OLA1: variants seen among roughly 807,000 people sequenced by gnomAD.
The protein encoded by OLA1 is Obg like ATPase 1, also known as obg-like ATPase 1.
Under a neutral mutation model 48.4 loss-of-function variants are expected in OLA1, and 14 were observed. That is an observed-to-expected ratio of 0.29 (90% confidence interval 0.19 to 0.45). The LOEUF is 0.45. OLA1 is among the 20% of genes least tolerant of loss of function. The probability of loss-of-function intolerance (pLI) is 1.00; values close to 1 mark genes in which losing one functional copy is unlikely to be tolerated. For missense variants in OLA1, 325 were observed against 467.1 expected (o/e 0.70, Z 2.80); for synonymous variants, 127 against 150.4 (o/e 0.84, Z 1.14).
In OLA1 at chr2:174,081,919, T is replaced by A; in HGVS notation, c.869+5A>T. The A allele has an allele frequency of 6.2e-7, 1 of 1,610,822 alleles. No individual in the cohort carries two copies. Among genetic ancestry groups the A allele is most frequent in the Non-Finnish European group, 8.5e-7 (1 of 1,178,986 alleles). ...AAAGTGTAGGGAAAATGAATGCTAA[T>A]TAACCTTTGTGTCATGTTCGCTTCC... On this transcript the variant is annotated splice_donor_5th_base_variant and intron_variant, in intron 8 of 10. Coordinates refer to ENST00000284719, the MANE Select transcript of OLA1 (RefSeq NM_013341.5).
chr2:174,174,225 A>G (rs1337974004), intron 4 of OLA1, among the ~76,000 whole-genome samples: 2 of 152,096 alleles, frequency 1.3e-5, no homozygotes, highest in African/African-American at 4.8e-5. Context: ...AAAAATTACA[A>G]GAAAAGAAAA....
intron 4 of OLA1, among the ~76,000 whole-genome samples, chr2:174,204,830 A>AT (rs1688073304): frequency 6.6e-6 from 1 of 152,154 alleles, no homozygotes; most frequent in Admixed American, 6.6e-5. Flanking sequence ...CAGCTATGTG[A>AT]TTTTTTGACA....
intron 4 of OLA1, among the ~76,000 whole-genome samples, chr2:174,208,368 A>G (rs1204174150): frequency 6.6e-6 from 1 of 152,164 alleles, no homozygotes; most frequent in African/African-American, 2.4e-5. Flanking sequence ...TTTGCCCCAA[A>G]AAGGGGTAGT....
At chr2:174,185,425 G>A (rs193213665) in intron 4 of OLA1, among the ~76,000 whole-genome samples, 1 of 152,154 alleles carries the variant, frequency 6.6e-6, no homozygotes, top group East Asian at 1.9e-4. Context: ...ACTAAAATAG[G>A]TAGGCAAAAG....
intron 4 of OLA1, among the ~76,000 whole-genome samples, chr2:174,166,728 A>C (rs557525166): frequency 6.6e-6 from 1 of 152,328 alleles, no homozygotes; most frequent in South Asian, 2.1e-4. Context: ...TATCTAAGTG[A>C]AAATCATAAC....
chr2:174,218,858 T>C (rs1301749880), intron 4 of OLA1, among the ~76,000 whole-genome samples: 5 of 152,162 alleles, frequency 3.3e-5, no homozygotes, highest in Non-Finnish European at 7.3e-5. Context: ...GATCTTGTTG[T>C]CATCCAAGCT....
rs1174747360 is a variant in OLA1 at position 174,091,869 on chromosome 2, C to CAAAAAAAAAAAAAAA, written c.729-9820_729-9806dup. Among the ~76,000 whole-genome samples, 30 of 22,982 alleles carry CAAAAAAAAAAAAAAA rather than the reference C, an allele frequency of 1.3e-3. 8 individuals carry two copies. The highest frequency in any genetic ancestry group is 2.1e-3 in the Non-Finnish European group (22 of 10,402). The allele number at this position is 22,982 out of a possible 152,430, so 15.1% of individuals were successfully genotyped here. On this transcript the variant is annotated intron_variant, in intron 7 of 10. Coordinates refer to ENST00000284719, the MANE Select transcript of OLA1 (RefSeq NM_013341.5). ...CCTGGGAGACAGCGAGACTCTGCCT[C>CAAAAAAAAAAAAAAA]AAAAAAAAAAAAAAAAAAAAAAAAA...
intron 4 of OLA1, among the ~76,000 whole-genome samples, chr2:174,142,918 AATTAG>A (rs1167155449): frequency 6.6e-6 from 1 of 152,218 alleles, no homozygotes; most frequent in Non-Finnish European, 1.5e-5. Flanking sequence ...TAAAACTACC[AATTAG>A]ATTATAGTCC....
intron 7 of OLA1, among the ~76,000 whole-genome samples, chr2:174,115,633 G>A (rs1006321291): frequency 5.3e-5 from 8 of 152,048 alleles, no homozygotes; most frequent in African/African-American, 1.9e-4. Context: ...TACATCAACT[G>A]ACTCCTGTTT....
intron 7 of OLA1, among the ~76,000 whole-genome samples, chr2:174,096,447 C>T (rs181678116): frequency 6.6e-6 from 1 of 151,986 alleles, no homozygotes; most frequent in Non-Finnish European, 1.5e-5. Flanking sequence ...AATAAAACCC[C>T]AAAAGTAAAC....
chr2:174,241,993 T>G lies in OLA1; in HGVS notation c.101+4722A>C, dbSNP rs1247795531. Reference sequence around the variant, plus strand: ...CTGTCAAAATAAAGACTACATTTCCTTGCCTTCCTTGCAACTAAATTCTTG... The same window carrying G: ...CTGTCAAAATAAAGACTACATTTCCGTGCCTTCCTTGCAACTAAATTCTTG... On this transcript the variant is annotated intron_variant, in intron 2 of 10. Transcript: ENST00000284719. Among the ~76,000 whole-genome samples, 6 of 152,232 alleles carry G rather than the reference T, an allele frequency of 3.9e-5. 1 individual carries two copies. The highest frequency in any genetic ancestry group is 1.4e-4 in the African/African-American group (6 of 41,470).
At chr2:174,233,273 G>A (rs890241939) in intron 2 of OLA1, among the ~76,000 whole-genome samples, 2 of 152,102 alleles carry the variant, frequency 1.3e-5, no homozygotes, top group African/African-American at 4.8e-5. Flanking sequence ...TTTCAGTTAC[G>A]CAAGATGAAA....
intron 2 of OLA1, among the ~76,000 whole-genome samples, chr2:174,232,939 C>A (rs973247403): frequency 2.0e-5 from 3 of 151,978 alleles, no homozygotes; most frequent in African/African-American, 7.3e-5. Context: ...TCATAATAGC[C>A]AAGAGGTAGA....
At chr2:174,222,398 T>C (rs1688525381) in intron 4 of OLA1, among the ~76,000 whole-genome samples, 2 of 152,170 alleles carry the variant, frequency 1.3e-5, no homozygotes, top group African/African-American at 2.4e-5. Context: ...TCTATTAATT[T>C]GCTCATTATA....
chr2:174,223,303 C>T (rs1260417191), intron 3 of OLA1, 143 bp from the exon 4 acceptor site: 8 of 748,204 alleles, frequency 1.1e-5, no homozygotes, highest in African/African-American at 1.8e-5. Context: ...ATATCCACCC[C>T]TCCCCCCAAA....
intron 8 of OLA1, 117 bp from the exon 9 acceptor site, chr2:174,081,365 T>C: frequency 1.4e-6 from 1 of 698,068 alleles, no homozygotes; most frequent in Non-Finnish European, 2.5e-6. Flanking sequence ...TAAATGACCA[T>C]TCATCTTTCA....
intron 4 of OLA1, among the ~76,000 whole-genome samples, chr2:174,219,874 G>C (rs946678354): frequency 3.9e-5 from 6 of 152,180 alleles, no homozygotes; most frequent in African/African-American, 1.4e-4. Context: ...GCTCACACCT[G>C]TAATCTCAGC....
rs376640155 is a variant in OLA1 at position 174,079,078 on chromosome 2, C to G, written c.979G>C (p.Ala327Pro). ...RAWTIRKGTK[A>P]PQAAGKIHTD... Reference sequence around the variant, plus strand: ...TGAATCTTTCCTGCAGCCTGAGGAGCCTTAGTCCCTTTCTTTGAAAAGAAA... The same window carrying G: ...TGAATCTTTCCTGCAGCCTGAGGAGGCTTAGTCCCTTTCTTTGAAAAGAAA... Residue 327 changes from alanine to proline, a missense_variant, in exon 10 of 11, where the codon GCT becomes CCT. Physicochemically the swap from Ala to Pro is conservative, Grantham distance 27. Coordinates refer to ENST00000284719, the MANE Select transcript of OLA1 (RefSeq NM_013341.5). 7.5e-6 allele frequency: 12 copies of G among 1,591,322 alleles called. No homozygotes were observed. The highest frequency in any genetic ancestry group is 4.6e-5 in the East Asian group (2 of 43,928).
chr2:174,223,469 C>T (rs1688549461), intron 3 of OLA1, among the ~76,000 whole-genome samples: 1 of 152,110 alleles, frequency 6.6e-6, no homozygotes, highest in South Asian at 2.1e-4. Flanking sequence ...TGCACACACA[C>T]TCAAAAGCGG....
Sources: allele counts gnomAD v4.1 joint callset (sites outside exome capture counted in the v4.1 genomes callset), GRCh38; gene constraint gnomAD v4.1.1; transcripts MANE v1.5; gene names NCBI Gene and HGNC (gene_info 2026-07-23, HGNC 2026-07-21).